The following CFAP299 variants were observed in gnomAD, a reference collection of about 807,000 sequenced individuals.
The protein encoded by CFAP299 is cilia and flagella associated protein 299.
A neutral mutation model predicts 27.0 loss-of-function variants in CFAP299; 21 were observed. That is an observed-to-expected ratio of 0.78 (90% CI 0.55 to 1.12). The LOEUF (loss-of-function observed/expected upper bound fraction) is 1.12, where lower values mean the gene tolerates loss of function less well. CFAP299 is among the 50% of genes most tolerant of loss of function. The pLI is 0.00. For missense variants in CFAP299, 310 were observed against 276.6 expected (o/e 1.12, Z -0.86); for synonymous variants, 104 against 98.1 (o/e 1.06, Z -0.36).
At position 80,696,310 on chromosome 4, in the gene CFAP299, G is replaced by A. The variant is rs78656208; in HGVS notation, c.333+113127G>A. Among the ~76,000 whole-genome samples the A allele has an allele frequency of 3.9e-4, 47 of 120,602 alleles. 1 individual carries two copies. Among genetic ancestry groups the A allele is most frequent in the Admixed American group, 4.8e-4 (6 of 12,470 alleles). The allele number at this position is 120,602 out of a possible 152,430, so 79.1% of individuals were successfully genotyped here. On this transcript the variant is annotated intron_variant, in intron 3 of 5. Coordinates refer to ENST00000358105, the MANE Select transcript of CFAP299 (RefSeq NM_152770.3). ...CTCCGTCTCAAAAAAAAAAAAAAAA[G>A]AAGAAGTAGAATTTAATCCACCATG...
chr4:80,567,808 A>T (rs1260156851), intron 2 of CFAP299, among the ~76,000 whole-genome samples: 1 of 151,266 alleles, frequency 6.6e-6, no homozygotes, highest in Non-Finnish European at 1.5e-5. Flanking sequence ...AGTCTAGGAA[A>T]CCAATACATA....
At chr4:80,579,126 G>T (rs541095745) in intron 2 of CFAP299, among the ~76,000 whole-genome samples, 1 of 152,274 alleles carries the variant, frequency 6.6e-6, no homozygotes, top group South Asian at 2.1e-4. Flanking sequence ...ACTCAAGGCT[G>T]TGTTGGTATT....
chr4:80,387,531 G>T, intron 2 of CFAP299: 3 of 872,564 alleles, frequency 3.4e-6, no homozygotes, highest in East Asian at 2.4e-5. Flanking sequence ...GTAGGGGCTG[G>T]CCCAACCCTG....
At chr4:80,793,123 GTGTGTA>G (rs1727665590) in intron 3 of CFAP299, among the ~76,000 whole-genome samples, 1 of 151,574 alleles carries the variant, frequency 6.6e-6, no homozygotes, top group East Asian at 1.9e-4. Context: ...GTGTGTGTGT[GTGTGTA>G]TGGTAGTTTA....
At chr4:80,596,617 A>T (rs1016674710) in intron 3 of CFAP299, among the ~76,000 whole-genome samples, 1 of 152,124 alleles carries the variant, frequency 6.6e-6, no homozygotes, top group East Asian at 1.9e-4. Context: ...CTTAGCAAAC[A>T]TATAAAAGCA....
At chr4:80,926,808 T>C (rs1736331969) in intron 4 of CFAP299, among the ~76,000 whole-genome samples, 1 of 152,112 alleles carries the variant, frequency 6.6e-6, no homozygotes, top group Admixed American at 6.6e-5. Flanking sequence ...GGAGCAATTA[T>C]AAGGCAATGG....
chr4:80,609,168 G>A (rs1737834930), intron 3 of CFAP299, among the ~76,000 whole-genome samples: 2 of 152,068 alleles, frequency 1.3e-5, no homozygotes, highest in African/African-American at 2.4e-5. Context: ...GTTCAGAAAT[G>A]TAAAATGCTT....
intron 3 of CFAP299, among the ~76,000 whole-genome samples, chr4:80,770,257 C>T (rs567563375): frequency 2.6e-5 from 4 of 152,272 alleles, no homozygotes; most frequent in Non-Finnish European, 5.9e-5. Context: ...ACCTCTTCTT[C>T]ATTTTTTGTT....
chr4:80,375,623 A>T (rs1206887722), intron 2 of CFAP299, among the ~76,000 whole-genome samples: 1 of 152,262 alleles, frequency 6.6e-6, no homozygotes, highest in African/African-American at 2.4e-5. Context: ...GTTAATTGAG[A>T]AGTATTAAAC....
intron 2 of CFAP299, among the ~76,000 whole-genome samples, chr4:80,531,953 C>G (rs1009193333): frequency 6.6e-5 from 10 of 152,052 alleles, no homozygotes; most frequent in African/African-American, 2.2e-4. Flanking sequence ...CGGGGTTTCT[C>G]CATTGTCGGT....
intron 1 of CFAP299, among the ~76,000 whole-genome samples, chr4:80,361,303 A>G (rs1396409983): frequency 6.6e-6 from 1 of 152,222 alleles, no homozygotes; most frequent in Non-Finnish European, 1.5e-5. Context: ...AATTGTAAGT[A>G]ATCTTTATTA....
intron 2 of CFAP299, among the ~76,000 whole-genome samples, chr4:80,538,724 G>A (rs939518074): frequency 6.6e-6 from 1 of 152,166 alleles, no homozygotes; most frequent in African/African-American, 2.4e-5. Context: ...TGTAGCCTAG[G>A]TGTGTAGTAG....
chr4:80,391,911 G>A (rs780997359), intron 2 of CFAP299, among the ~76,000 whole-genome samples: 1 of 152,206 alleles, frequency 6.6e-6, no homozygotes, highest in Admixed American at 6.5e-5. Context: ...CCACAGCGGT[G>A]GAGCTGCCCA....
intron 3 of CFAP299, among the ~76,000 whole-genome samples, chr4:80,696,877 G>C (rs148620062): frequency 6.6e-6 from 1 of 152,098 alleles, no homozygotes; most frequent in Non-Finnish European, 1.5e-5. Context: ...ATGAAGTTGG[G>C]GAAGTAGCCA....
chr4:80,905,048 T>G lies in CFAP299; in HGVS notation c.476+34913T>G, dbSNP rs60132221. Among the ~76,000 whole-genome samples, 552 of 152,346 alleles carry G rather than the reference T, an allele frequency of 3.6e-3. 2 individuals carry two copies. Among genetic ancestry groups the G allele is most frequent in the African/African-American group, 0.012 (519 of 41,584 alleles). On this transcript the variant is annotated intron_variant, in intron 4 of 5. Transcript: ENST00000358105. ...TGTGAAATATGGATGAAATTTTATGTGAGTAAATTTTGTAATAAAAACATA... is the reference window on the plus strand; with the variant it reads ...TGTGAAATATGGATGAAATTTTATGGGAGTAAATTTTGTAATAAAAACATA...
intron 2 of CFAP299, among the ~76,000 whole-genome samples, chr4:80,522,733 G>T (rs1732984167): frequency 6.6e-6 from 1 of 152,056 alleles, no homozygotes; most frequent in Non-Finnish European, 1.5e-5. Flanking sequence ...AGTTTTCCCA[G>T]CACTATTTGT....
intron 3 of CFAP299, among the ~76,000 whole-genome samples, chr4:80,802,613 C>A (rs1728669954): frequency 2.6e-5 from 4 of 151,990 alleles, no homozygotes; most frequent in Admixed American, 2.6e-4. Flanking sequence ...AGAAGAAATT[C>A]TGGAAAACTT....
intron 3 of CFAP299, among the ~76,000 whole-genome samples, chr4:80,763,064 T>C (rs1725629382): frequency 6.6e-6 from 1 of 152,178 alleles, no homozygotes; most frequent in South Asian, 2.1e-4. Context: ...CTATGATATG[T>C]ACCCTCTGTA....
intron 3 of CFAP299, among the ~76,000 whole-genome samples, chr4:80,642,293 C>T (rs1739766903): frequency 6.6e-6 from 1 of 152,138 alleles, no homozygotes; most frequent in African/African-American, 2.4e-5. Flanking sequence ...AAGTGTGCTT[C>T]TGAATATCCT....
Sources: gnomAD v4.1 joint callset for allele counts (sites outside exome capture counted in the v4.1 genomes callset) on GRCh38, gnomAD v4.1.1 for gene constraint, MANE v1.5 for transcripts, NCBI Gene and HGNC (gene_info 2026-07-23, HGNC 2026-07-21) for gene names.